Variants in MMD2 observed in about 807,000 individuals in gnomAD.
The protein encoded by MMD2 is monocyte to macrophage differentiation factor 2.
In MMD2, 30 loss-of-function variants were observed where a neutral mutation model predicts 33.5. The observed-to-expected ratio is 0.90, with a 90% CI of 0.67 to 1.22. The LOEUF is 1.22. Ranked by LOEUF, MMD2 falls within the 50% of genes most tolerant of loss-of-function variation. The pLI, the probability that MMD2 is intolerant of heterozygous loss-of-function variation, is 0.00. For synonymous variants in MMD2, 129 were observed against 123.0 expected (o/e 1.05, Z -0.32); for missense variants, 364 against 325.4 (o/e 1.12, Z -0.91).
At chr7:4,892,755 G>A in the MMD2 span, among the ~76,000 whole-genome samples, 26 of 151,816 alleles carry the variant, frequency 1.7e-4, no homozygotes, top group South Asian at 2.3e-3. Context: ...TAGCTCTGTC[G>A]TCCAGGCTGG....
intron 1 of MMD2, among the ~76,000 whole-genome samples, chr7:4,952,842 C>T (rs1054154449): frequency 9.9e-5 from 15 of 151,980 alleles, no homozygotes; most frequent in African/African-American, 3.6e-4. Flanking sequence ...CAGACACACA[C>T]CACCACACCT....
intron 2 of MMD2, among the ~76,000 whole-genome samples, chr7:4,923,069 C>T (rs1053297293): frequency 6.6e-6 from 1 of 151,888 alleles, no homozygotes; most frequent in South Asian, 2.1e-4. Context: ...CTCACAGCTT[C>T]TCCCAGGTAT....
At chr7:4,921,074 G>A (rs906783873) in intron 2 of MMD2, among the ~76,000 whole-genome samples, 10 of 152,118 alleles carry the variant, frequency 6.6e-5, no homozygotes, top group African/African-American at 2.4e-4. Flanking sequence ...GGACAGTGCA[G>A]GTCTAGATCT....
chr7:4,912,811 T>C (rs1785049211), intron 4 of MMD2, among the ~76,000 whole-genome samples: 1 of 152,060 alleles, frequency 6.6e-6, no homozygotes, highest in South Asian at 2.1e-4. Context: ...GTTCAAGTGA[T>C]TCTCCTGCCT....
intron 5 of MMD2, 30 bp downstream of exon 5, chr7:4,911,115 G>A (rs925761657): frequency 1.3e-5 from 20 of 1,538,442 alleles, no homozygotes; most frequent in African/African-American, 6.9e-5. Flanking sequence ...AGGGAATCCC[G>A]CCTCCCTGAA....
intron 1 of MMD2, among the ~76,000 whole-genome samples, chr7:4,950,932 T>C (rs1168553110): frequency 6.6e-6 from 1 of 152,002 alleles, no homozygotes; most frequent in Non-Finnish European, 1.5e-5. Context: ...AGGCTGGTCT[T>C]GAACTCTTGA....
intron 1 of MMD2, among the ~76,000 whole-genome samples, chr7:4,933,427 T>C (rs2115126483): frequency 6.6e-6 from 1 of 152,274 alleles, no homozygotes; most frequent in East Asian, 1.9e-4. Flanking sequence ...CTCCTAAATG[T>C]AACGTTATCT....
Position 4,958,996 on chromosome 7 carries a change from C to G in MMD2, c.22G>C (p.Asp8His). The G allele has an allele frequency of 2.3e-6, 3 of 1,280,990 alleles. No individual in the cohort carries two copies. Among genetic ancestry groups the G allele is most frequent in the Non-Finnish European group, 3.0e-6 (3 of 1,006,168 alleles). The allele number at this position is 1,280,990 out of a possible 1,614,324, so 79.4% of individuals were successfully genotyped here. MFAPRLL[D>H]FQKTKYARFM... ...CTCGCGTATTTCGTCTTCTGGAAAT[C>G]CAGCAGCCGGGGGGCGAACATCGCG... Residue 8 changes from aspartate to histidine, a missense_variant, in exon 1 of 7, where the codon GAT becomes CAT. Physicochemically the swap from Asp to His is moderately conservative, Grantham distance 81. Transcript: ENST00000401401.
downstream of MMD2, among the ~76,000 whole-genome samples, chr7:4,903,724 C>G (rs1226800026): frequency 6.6e-6 from 1 of 152,230 alleles, no homozygotes; most frequent in African/African-American, 2.4e-5. Context: ...TCACTCCCAC[C>G]TGCCTTCACT....
intron 1 of MMD2, among the ~76,000 whole-genome samples, chr7:4,926,667 C>T (rs1785435989): frequency 6.6e-6 from 1 of 152,162 alleles, no homozygotes; most frequent in Non-Finnish European, 1.5e-5. Flanking sequence ...TGTTTTCTGT[C>T]TGGCTTCTTT....
chr7:4,910,794 A>G (rs1014760576), intron 5 of MMD2, among the ~76,000 whole-genome samples: 9 of 151,840 alleles, frequency 5.9e-5, no homozygotes, highest in African/African-American at 2.2e-4. Flanking sequence ...ACACCCAGCT[A>G]ATTTTTGTAT....
the MMD2 span, among the ~76,000 whole-genome samples, chr7:4,893,681 C>G: frequency 7.2e-5 from 11 of 152,248 alleles, no homozygotes; most frequent in African/African-American, 2.4e-4. Flanking sequence ...TGAGCCACCA[C>G]ACCCGGCCCA....
At chr7:4,900,514 G>A in the MMD2 span, among the ~76,000 whole-genome samples, 2 of 152,050 alleles carry the variant, frequency 1.3e-5, no homozygotes, top group African/African-American at 2.4e-5. Flanking sequence ...TCACACCTTG[G>A]TTAATTTCAC....
intron 1 of MMD2, among the ~76,000 whole-genome samples, chr7:4,938,961 A>C (rs1322789587): frequency 6.6e-6 from 1 of 152,058 alleles, no homozygotes; most frequent in Non-Finnish European, 1.5e-5. Flanking sequence ...TAATCCCAGC[A>C]CTTTGGGAGG....
chr7:4,918,040 A>C (rs1583364754), intron 3 of MMD2, among the ~76,000 whole-genome samples: 1 of 152,210 alleles, frequency 6.6e-6, no homozygotes. Flanking sequence ...AGACAGCCAC[A>C]CTACAACCCA....
rs866219385 is a variant in MMD2, at chr7:4,907,084, G to A, written c.*312C>T. 43 of 351,256 alleles carry A rather than the reference G, an allele frequency of 1.2e-4. 1 individual carries two copies. Among genetic ancestry groups the A allele is most frequent in the East Asian group, 1.1e-3 (17 of 15,734 alleles). The allele number at this position is 351,256 out of a possible 1,614,324, so 21.8% of individuals were successfully genotyped here. A position where few individuals can be genotyped will look rare whatever the true frequency, so the allele number is the denominator to read the frequency against. On this transcript the variant is annotated 3_prime_UTR_variant, in exon 7 of 7. Coordinates refer to ENST00000401401, the MANE Select transcript of MMD2 (RefSeq NM_198403.4). ...GACCTTAGGAAACACAGATTGGCCC[G>A]TCATTCCCCAATTTTCCAGGACCAT...
chr7:4,932,484 T>C (rs1201614317), intron 1 of MMD2, among the ~76,000 whole-genome samples: 1 of 152,154 alleles, frequency 6.6e-6, no homozygotes, highest in Non-Finnish European at 1.5e-5. Context: ...CGGAGAGTCC[T>C]GTAACTGCCA....
chr7:4,894,212 T>A, the MMD2 span, among the ~76,000 whole-genome samples: 1 of 152,166 alleles, frequency 6.6e-6, no homozygotes, highest in South Asian at 2.1e-4. The surrounding 1 kb of genome is among the most constrained non-coding windows in gnomAD (Gnocchi z 4.3). Flanking sequence ...CAGCTGGCTC[T>A]TTCTTTCTCT....
chr7:4,919,002 G>T (rs1785208870), intron 3 of MMD2, among the ~76,000 whole-genome samples: 1 of 152,034 alleles, frequency 6.6e-6, no homozygotes, highest in African/African-American at 2.4e-5. Flanking sequence ...GGGAGGCTGA[G>T]ATAAGAGGAT....
Sources: allele counts gnomAD v4.1 joint callset (sites outside exome capture counted in the v4.1 genomes callset), GRCh38; gene constraint gnomAD v4.1.1; non-coding constraint Gnocchi (gnomAD v3.1); transcripts MANE v1.5; gene names NCBI Gene and HGNC (gene_info 2026-07-23, HGNC 2026-07-21).